LY75: variants seen among roughly 807,000 people sequenced by gnomAD.
LY75 encodes the protein C-type lectin domain family 13 member B.
In LY75, 185 loss-of-function variants were observed where a neutral mutation model predicts 231.7. That is an observed-to-expected ratio of 0.80 (90% CI 0.71 to 0.90). LY75 has a LOEUF of 0.90. LY75 is among the 40% of genes least tolerant of loss of function. LY75 has a pLI of 0.00. For synonymous variants in LY75, 668 were observed against 689.0 expected (o/e 0.97, Z 0.48); for missense variants, 1,947 against 2,050.2 (o/e 0.95, Z 0.97).
rs183276957 is a variant in LY75 at position 159,885,610 on chromosome 2, A to G, written c.914-317T>C. On this transcript the variant is annotated intron_variant, in intron 5 of 34. Coordinates refer to ENST00000263636, the MANE Select transcript of LY75 (RefSeq NM_002349.4). ...TAGCTCTTAATCTGCTACTCCATAA[A>G]ATAAAAATATTAATTTATCATTGTC... is the stretch of plus-strand genomic sequence containing the variant. Among the ~76,000 whole-genome samples, 266 of 152,328 alleles carry G rather than the reference A, an allele frequency of 1.7e-3. 1 individual carries two copies. The highest frequency in any genetic ancestry group is 6.1e-3 in the African/African-American group (253 of 41,590).
At chr2:159,865,237 A>G (rs1283571970) in intron 13 of LY75, among the ~76,000 whole-genome samples, 1 of 152,210 alleles carries the variant, frequency 6.6e-6, no homozygotes, top group Non-Finnish European at 1.5e-5. Context: ...AGATACAGTC[A>G]AAGGCAACAA....
At position 159,890,976 on chromosome 2, in the gene LY75, T is replaced by A. The variant is rs529087812; in HGVS notation, c.638-599A>T. 4.5e-4 allele frequency among the ~76,000 whole-genome samples: 69 copies of A among 152,318 alleles called. 4 individuals carry two copies. The South Asian group carries it at 0.014, about 31-fold the overall frequency. ...ATGTGCATAGAAACATATATACATA[T>A]GTGTTTGTAGAGTATGCATAATTTC... On this transcript the variant is annotated intron_variant, in intron 3 of 34. Coordinates refer to ENST00000263636, the MANE Select transcript of LY75 (RefSeq NM_002349.4).
rs1341394980 is a variant in LY75, at chr2:159,850,791, T to TATATATATATAAATAA, written c.2884-325_2884-324insTTATTTATATATATAT. Among the ~76,000 whole-genome samples, 13 of 94,486 alleles carry TATATATATATAAATAA rather than the reference T, an allele frequency of 1.4e-4. 1 individual carries two copies. Among genetic ancestry groups the TATATATATATAAATAA allele is most frequent in the African/African-American group, 5.2e-4 (13 of 25,098 alleles). 62.0% of individuals were successfully genotyped at this position (94,486 alleles called of 152,430 possible). On this transcript the variant is annotated intron_variant, in intron 21 of 34. Transcript: ENST00000263636. ...AAACTTTCATATATATATATATATATATATATATTATATCTTATATATAAG... is the reference window on the plus strand; with the variant it reads ...AAACTTTCATATATATATATATATATATATATATATAAATAAATATATATTATATCTTATATATAAG...
chr2:159,887,181 T>G (rs1685612551), intron 4 of LY75, among the ~76,000 whole-genome samples: 1 of 138,022 alleles, frequency 7.2e-6, no homozygotes, highest in Non-Finnish European at 1.6e-5. Context: ...GGGTCCTGTT[T>G]AGACTAGAGA....
intron 8 of LY75, among the ~76,000 whole-genome samples, chr2:159,879,705 T>A (rs13006413): frequency 6.6e-6 from 1 of 152,036 alleles, no homozygotes; most frequent in Non-Finnish European, 1.5e-5. Flanking sequence ...TAGACTAGAA[T>A]GGCATAGCCA....
At position 159,879,274 on chromosome 2, in the gene LY75, C is replaced by T. The variant is rs746703163; in HGVS notation, c.1500G>A (p.Met500Ile). The change falls in exon 9 of 35, where the codon ATG (methionine) becomes ATA (isoleucine). Residue 500 changes from methionine to isoleucine, a missense_variant. Met to Ile is a conservative substitution (Grantham distance 10). Transcript: ENST00000263636. ...TTTTACCTACCTCATCTGGAGGACA[C>T]ATCTTATCAGAACTTGCGTCATTCA... ...EKLNDASSDK[M>I]CPPDEGWKRH... 3.1e-6 allele frequency: 5 copies of T among 1,613,412 alleles called. No homozygotes were observed. Among genetic ancestry groups the T allele is most frequent in the South Asian group, 1.1e-5 (1 of 90,938 alleles).
intron 28 of LY75, among the ~76,000 whole-genome samples, chr2:159,830,628 T>A (rs1481580537): frequency 3.3e-5 from 5 of 151,008 alleles, no homozygotes; most frequent in Non-Finnish European, 3.0e-5. Flanking sequence ...GAGTCTCTGT[T>A]GCCCTGGCTG....
At chr2:159,852,460 C>T (rs1560081967) in intron 20 of LY75, 120 bp from the exon 21 acceptor site, 30 of 1,398,412 alleles carry the variant, frequency 2.1e-5, no homozygotes, top group African/African-American at 2.9e-5. Context: ...CTCTGTTGCC[C>T]GGGGCTGGAG....
Position 159,886,420 on chromosome 2 carries a change from C to A in LY75, c.913G>T (p.Asp305Tyr). 1 of 1,605,000 alleles carries A rather than the reference C, an allele frequency of 6.2e-7. No individual in the cohort carries two copies. The highest frequency in any genetic ancestry group is 1.1e-5 in the South Asian group (1 of 90,208). The stretch of plus-strand genomic sequence containing the variant: ...GAGGGGGTAGGGAAAGAGCAGTTAC[C>A]TGGATCCCAGTTGAGAAAGTTTAAT... ...KPLNFLNWDPDRPSAPTIGGS... is the reference protein window; with the variant it reads ...KPLNFLNWDPYRPSAPTIGGS... Residue 305 changes from aspartate (D) to tyrosine (Y), a missense_variant and splice_region_variant, in exon 5 of 35, where the codon GAC becomes TAC. Physicochemically the swap from Asp to Tyr is radical, Grantham distance 160. Transcript: ENST00000263636.
chr2:159,850,196 A>G (rs1684340409), intron 22 of LY75, 56 bp from the exon 23 acceptor site: 1 of 1,542,838 alleles, frequency 6.5e-7, no homozygotes, highest in Non-Finnish European at 8.7e-7. Flanking sequence ...AAGATACATT[A>G]AAAATGTCAA....
At chr2:159,808,231 A>G in intron 33 of LY75, 1 of 792,388 alleles carries the variant, frequency 1.3e-6, no homozygotes, top group Non-Finnish European at 1.5e-6. Context: ...TTTATTTAAC[A>G]GGATTTTCTG....
chr2:159,815,214 G>C (rs1410315696), intron 31 of LY75, among the ~76,000 whole-genome samples, 191 bp downstream of exon 31: 2 of 152,108 alleles, frequency 1.3e-5, no homozygotes, highest in Non-Finnish European at 2.9e-5. Flanking sequence ...TGTTAGCCAG[G>C]ATGATCTCCA....
intron 4 of LY75, 100 bp from the exon 5 acceptor site, chr2:159,886,630 A>C: frequency 8.2e-7 from 1 of 1,213,096 alleles, no homozygotes; most frequent in Non-Finnish European, 1.1e-6. Context: ...GCAGACCTTG[A>C]TTGTAAGGCA....
At chr2:159,872,721 T>A in intron 12 of LY75, 128 bp from the exon 13 acceptor site, 2 of 1,023,448 alleles carry the variant, frequency 2.0e-6, no homozygotes, top group Non-Finnish European at 2.8e-6. Flanking sequence ...AAGGCATAGG[T>A]AAATGCACAT....
At chr2:159,863,073 T>C (rs905366421) in intron 14 of LY75, among the ~76,000 whole-genome samples, 5 of 151,584 alleles carry the variant, frequency 3.3e-5, no homozygotes, top group Middle Eastern at 7.0e-3. Context: ...TGTCTTTCTG[T>C]GCCTGGCTTC....
chr2:159,889,377 T>C (rs1685684995), intron 4 of LY75, among the ~76,000 whole-genome samples: 1 of 152,124 alleles, frequency 6.6e-6, no homozygotes, highest in Admixed American at 6.6e-5. Flanking sequence ...TACAGGCACA[T>C]GCCAACAGCC....
intron 26 of LY75, among the ~76,000 whole-genome samples, chr2:159,835,079 G>A (rs992538694): frequency 1.3e-5 from 2 of 152,170 alleles, no homozygotes; most frequent in South Asian, 2.1e-4. Context: ...ATTTCCCCTT[G>A]TCTTAAGCTA....
At chr2:159,887,633 GT>G (rs552060058) in intron 4 of LY75, among the ~76,000 whole-genome samples, 30 of 150,610 alleles carry the variant, frequency 2.0e-4, no homozygotes, top group Non-Finnish European at 3.7e-4. Flanking sequence ...TTAAAACACA[GT>G]TTTCTTGGGT....
chr2:159,850,044 C>G lies in LY75; in HGVS notation c.3086G>C (p.Arg1029Thr), dbSNP rs761304121. The change falls in exon 23 of 35, where the codon AGA becomes ACA. Residue 1029 changes from arginine to threonine, a missense_variant. Arg to Thr is a moderately conservative substitution (Grantham distance 71, BLOSUM62 -1). Coordinates refer to ENST00000263636, the MANE Select transcript of LY75 (RefSeq NM_002349.4). ...YEKINKWTDN[R>T]ELTYSNFHPL... ...GTGAAAGTTACTGTACGTCAGCTCT[C>G]TGTTATCTGTCCATTTGTTTATCTT... is the stretch of plus-strand genomic sequence containing the variant. 6.2e-7 allele frequency: 1 copy of G among 1,614,010 alleles called. No homozygotes were observed. Among genetic ancestry groups the G allele is most frequent in the South Asian group, 1.1e-5 (1 of 91,078 alleles).
Sources: allele counts gnomAD v4.1 joint callset (sites outside exome capture counted in the v4.1 genomes callset), GRCh38; gene constraint gnomAD v4.1.1; transcripts MANE v1.5; gene names NCBI Gene and HGNC (gene_info 2026-07-23, HGNC 2026-07-21).